Variants in ADCY2 observed in about 807,000 individuals in gnomAD.
The protein encoded by ADCY2 is adenylate cyclase 2.
A neutral mutation model predicts 125.2 loss-of-function variants in ADCY2; 31 were observed. The observed-to-expected ratio is 0.25, with a 90% CI of 0.19 to 0.33. The LOEUF (loss-of-function observed/expected upper bound fraction) is 0.33. Ranked by LOEUF, ADCY2 falls within the 10% of genes least tolerant of loss-of-function variation. ADCY2 has a pLI of 1.00. For synonymous variants in ADCY2, 512 were observed against 548.4 expected (o/e 0.93, Z 0.93); for missense variants, 904 against 1,418.2 (o/e 0.64, Z 5.82).
chr5:7,398,724 C>T (rs576512223), intron 1 of ADCY2, among the ~76,000 whole-genome samples: 1 of 152,324 alleles, frequency 6.6e-6, no homozygotes, highest in East Asian at 1.9e-4. Flanking sequence ...ATAGAAAAGC[C>T]ACCTTCAGGC....
chr5:7,637,446 A>T (rs1005672552), intron 4 of ADCY2, among the ~76,000 whole-genome samples: 25 of 151,578 alleles, frequency 1.6e-4, no homozygotes, highest in African/African-American at 6.1e-4. Context: ...AAAAAAAAAA[A>T]AAAAAGAGAA....
At chr5:7,539,435 A>G (rs1422696908) in intron 3 of ADCY2, among the ~76,000 whole-genome samples, 7 of 152,186 alleles carry the variant, frequency 4.6e-5, no homozygotes, top group Admixed American at 4.6e-4. Flanking sequence ...ATGTGGATTC[A>G]CTACAGTTTG....
intron 3 of ADCY2, among the ~76,000 whole-genome samples, chr5:7,563,877 T>A (rs1303461147): frequency 6.6e-6 from 1 of 152,182 alleles, no homozygotes; most frequent in African/African-American, 2.4e-5. Flanking sequence ...ATATTGATTG[T>A]GTGAGTGCAT....
chr5:7,716,787 A>G (rs1451886607), intron 11 of ADCY2, among the ~76,000 whole-genome samples: 1 of 152,214 alleles, frequency 6.6e-6, no homozygotes, highest in Non-Finnish European at 1.5e-5. Flanking sequence ...AGAATGATAG[A>G]TACCAGAGAC....
chr5:7,699,877 C>T (rs1164212434), intron 7 of ADCY2, among the ~76,000 whole-genome samples: 1 of 152,200 alleles, frequency 6.6e-6, no homozygotes, highest in East Asian at 1.9e-4. Flanking sequence ...TATGCACTGC[C>T]TGACCCAGCC....
At chr5:7,544,827 G>A (rs1268588845) in intron 3 of ADCY2, among the ~76,000 whole-genome samples, 2 of 152,136 alleles carry the variant, frequency 1.3e-5, no homozygotes, top group East Asian at 3.9e-4. Flanking sequence ...TGAGAAAAGG[G>A]AATCATGCAG....
Position 7,749,743 on chromosome 5 carries a change from T to C in ADCY2, c.1956+5991T>C, listed in dbSNP as rs1283805912. On this transcript the variant is annotated intron_variant, in intron 15 of 24. Coordinates refer to ENST00000338316, the MANE Select transcript of ADCY2 (RefSeq NM_020546.3). ...AATTTTTCTCTCAGTGTTGTTACCT[T>C]GTGCTTTCAATAGCAGAGATAATAC... 3.3e-5 allele frequency: 5 copies of C among 152,302 alleles called. No individual in the cohort carries two copies. In the East Asian group the frequency reaches 9.6e-4, roughly 29 times the overall value. 9.4% of individuals were successfully genotyped at this position (152,302 alleles called of 1,614,324 possible). A position where few individuals can be genotyped will look rare whatever the true frequency, so the allele number is the denominator to read the frequency against.
intron 14 of ADCY2, among the ~76,000 whole-genome samples, chr5:7,730,234 G>A (rs1010374940): frequency 1.3e-5 from 2 of 152,142 alleles, no homozygotes; most frequent in African/African-American, 4.8e-5. Flanking sequence ...TTTTGGCAGA[G>A]TAATTTTCCA....
At chr5:7,807,719 C>G (rs1744797640) in intron 22 of ADCY2, among the ~76,000 whole-genome samples, 1 of 152,218 alleles carries the variant, frequency 6.6e-6, no homozygotes, top group Non-Finnish European at 1.5e-5. Flanking sequence ...CCTATAGACA[C>G]CCTGCTTTCT....
intron 2 of ADCY2, among the ~76,000 whole-genome samples, chr5:7,456,306 G>C (rs1305317890): frequency 6.6e-6 from 1 of 152,158 alleles, no homozygotes; most frequent in Non-Finnish European, 1.5e-5. Context: ...TATGTCTTTA[G>C]GGATTCAGTG....
Position 7,802,406 on chromosome 5 carries a change from A to C in ADCY2, c.2775+42A>C. Reference sequence around the variant, plus strand: ...GCCCTCGAAGGGCAGCAGTACACTCAGTCTCACACCTGTGCACTTGAAGTT... The same window carrying C: ...GCCCTCGAAGGGCAGCAGTACACTCCGTCTCACACCTGTGCACTTGAAGTT... On this transcript the variant is annotated intron_variant, in intron 21 of 24. Coordinates refer to ENST00000338316, the MANE Select transcript of ADCY2 (RefSeq NM_020546.3). The surrounding 1 kb of genome is among the most constrained non-coding windows in gnomAD (Gnocchi z 4.6). The C allele has an allele frequency of 6.2e-7, 1 of 1,604,190 alleles. No homozygotes were observed. The highest frequency in any genetic ancestry group is 8.5e-7 in the Non-Finnish European group (1 of 1,174,516).
chr5:7,704,867 G>A (rs1383847923), intron 7 of ADCY2, among the ~76,000 whole-genome samples: 2 of 146,116 alleles, frequency 1.4e-5, no homozygotes, highest in Non-Finnish European at 3.0e-5. Flanking sequence ...GACAGAGTGA[G>A]ACTCCATCTC....
intron 3 of ADCY2, among the ~76,000 whole-genome samples, chr5:7,524,184 C>T (rs1209711262): frequency 6.6e-6 from 1 of 152,228 alleles, no homozygotes; most frequent in Non-Finnish European, 1.5e-5. Flanking sequence ...TATTCCTTAA[C>T]ACATTTTCAA....
chr5:7,772,910 C>G (rs760092921), intron 17 of ADCY2, 22 bp from the exon 18 acceptor site: 31 of 1,611,156 alleles, frequency 1.9e-5, no homozygotes, highest in East Asian at 1.1e-4. Flanking sequence ...AAGTATCTGT[C>G]TGGTGTCCTT....
chr5:7,724,733 C>T, intron 13 of ADCY2, 119 bp downstream of exon 13: 1 of 706,718 alleles, frequency 1.4e-6, no homozygotes, highest in Non-Finnish European at 2.4e-6. Context: ...TATATTCGAA[C>T]TCTTTCTGGC....
intron 3 of ADCY2, among the ~76,000 whole-genome samples, chr5:7,567,565 C>T (rs1735940251): frequency 6.6e-6 from 1 of 152,126 alleles, no homozygotes; most frequent in Admixed American, 6.5e-5. Context: ...AATTTTTTCT[C>T]AATTTTTCAG....
chr5:7,599,702 C>T (rs184396747), intron 3 of ADCY2, among the ~76,000 whole-genome samples: 15 of 152,142 alleles, frequency 9.9e-5, no homozygotes, highest in Admixed American at 5.9e-4. Flanking sequence ...AGTAAAGGCA[C>T]GATCCTAGAG....
intron 1 of ADCY2, among the ~76,000 whole-genome samples, chr5:7,400,465 A>G (rs566013888): frequency 1.3e-5 from 2 of 152,362 alleles, no homozygotes; most frequent in East Asian, 3.9e-4. Flanking sequence ...GTGTGTACAT[A>G]GAGAAAGAAT....
chr5:7,553,170 C>A (rs1735391491), intron 3 of ADCY2, among the ~76,000 whole-genome samples: 1 of 152,198 alleles, frequency 6.6e-6, no homozygotes, highest in Non-Finnish European at 1.5e-5. Context: ...TCAGTGTGAA[C>A]CCACGATCTC....
Sources: allele counts gnomAD v4.1 joint callset (sites outside exome capture counted in the v4.1 genomes callset), GRCh38; gene constraint gnomAD v4.1.1; non-coding constraint Gnocchi (gnomAD v3.1); transcripts MANE v1.5; gene names NCBI Gene and HGNC (gene_info 2026-07-23, HGNC 2026-07-21).